Variants in ACSL3 observed in about 807,000 individuals in gnomAD.
ACSL3 encodes the protein acyl-CoA synthetase long chain family member 3.
A neutral mutation model predicts 84.7 loss-of-function variants in ACSL3; 34 were observed. The observed-to-expected ratio is 0.40, with a 90% CI of 0.31 to 0.53. The LOEUF (loss-of-function observed/expected upper bound fraction) is 0.53. Ranked by LOEUF, ACSL3 falls within the 20% of genes least tolerant of loss-of-function variation. The probability of loss-of-function intolerance (pLI) is 0.48; values close to 1 mark genes in which losing one functional copy is unlikely to be tolerated. For missense variants in ACSL3, 680 were observed against 873.1 expected, an observed-to-expected ratio of 0.78 and a Z score of 2.79; for synonymous variants, 315 against 299.4, an observed-to-expected ratio of 1.05 and a Z score of -0.54.
rs138221382 is a variant in ACSL3, at chr2:222,934,623, G to C, written c.1941G>C (p.Glu647Asp). 88 of 1,609,228 alleles carry C rather than the reference G, an allele frequency of 5.5e-5. 1 individual carries two copies. The African/African-American group carries it at 1.1e-3, about 20-fold the overall frequency. Reference protein sequence around the residue: ...RKKGLKGTWEELCNSCEMENE... With the variant: ...RKKGLKGTWEDLCNSCEMENE... ...AAGGACTTAAAGGGACTTGGGAGGAGCTGTGTAACAGTTGTGAAATGGAAA... is the reference window on the plus strand; with the variant it reads ...AAGGACTTAAAGGGACTTGGGAGGACCTGTGTAACAGTTGTGAAATGGAAA... The change falls in exon 16 of 17, where the codon GAG becomes GAC. Residue 647 changes from glutamate to aspartate, a missense_variant. Physicochemically the swap from Glu to Asp is conservative, Grantham distance 45. Coordinates refer to ENST00000357430, the MANE Select transcript of ACSL3 (RefSeq NM_004457.5).
chr2:222,911,708 A>C (rs1227440748), intron 4 of ACSL3, among the ~76,000 whole-genome samples: 1 of 152,250 alleles, frequency 6.6e-6, no homozygotes, highest in Non-Finnish European at 1.5e-5. Context: ...GGTGAATATG[A>C]AATTTCTTCC....
At chr2:222,914,688 G>C (rs1459265853) in intron 4 of ACSL3, among the ~76,000 whole-genome samples, 5 of 152,188 alleles carry the variant, frequency 3.3e-5, no homozygotes, top group Non-Finnish European at 5.9e-5. Context: ...AAGGTTGGCT[G>C]TTCTGCAGCA....
intron 1 of ACSL3, among the ~76,000 whole-genome samples, chr2:222,880,833 AAAAAAAAAAAAAC>A (rs1239802801): frequency 8.1e-4 from 121 of 148,694 alleles, no homozygotes; most frequent in African/African-American, 2.8e-3. Context: ...CTGTCTCCCA[AAAAAAAAAAAAAC>A]AAAAAAAAAC....
chr2:222,862,921 C>G lies in ACSL3; in HGVS notation c.-207+1663C>G, dbSNP rs1377064363. On this transcript the variant is annotated intron_variant, in intron 1 of 16. Coordinates refer to ENST00000357430, the MANE Select transcript of ACSL3 (RefSeq NM_004457.5). Reference sequence around the variant, plus strand: ...AAGAATGGGAGAAATGAAGAACGCACAAATTATAAGGGGAAAATCATCCTC... The same window carrying G: ...AAGAATGGGAGAAATGAAGAACGCAGAAATTATAAGGGGAAAATCATCCTC... 3.9e-5 allele frequency among the ~76,000 whole-genome samples: 6 copies of G among 152,130 alleles called. No individual in the cohort carries two copies. The South Asian group carries it at 1.2e-3, about 31-fold the overall frequency.
chr2:222,878,688 C>G (rs1425588055), intron 1 of ACSL3, among the ~76,000 whole-genome samples: 1 of 152,208 alleles, frequency 6.6e-6, no homozygotes, highest in African/African-American at 2.4e-5. Flanking sequence ...TAGTGAATCT[C>G]TCTTCTGGTC....
chr2:222,932,126 C>T (rs1185296991), intron 14 of ACSL3, among the ~76,000 whole-genome samples: 1 of 152,202 alleles, frequency 6.6e-6, no homozygotes, highest in Admixed American at 6.5e-5. Context: ...AGTCTTAACA[C>T]TTAGCGCTAC....
intron 1 of ACSL3, among the ~76,000 whole-genome samples, chr2:222,870,112 T>C (rs1695259643): frequency 6.6e-6 from 1 of 151,884 alleles, no homozygotes; most frequent in African/African-American, 2.4e-5. Context: ...GGTTTTTTTT[T>C]TTTTTTGGTC....
intron 15 of ACSL3, 102 bp from the exon 16 acceptor site, chr2:222,934,427 TA>T: frequency 8.2e-5 from 79 of 959,792 alleles, no homozygotes; most frequent in Non-Finnish European, 9.8e-5. Context: ...ACATGCATTT[TA>T]AAAAAAATGA....
intron 1 of ACSL3, among the ~76,000 whole-genome samples, chr2:222,875,664 C>T (rs193067883): frequency 2.0e-5 from 3 of 152,198 alleles, no homozygotes; most frequent in Admixed American, 6.5e-5. Flanking sequence ...GACGTTATAG[C>T]GCAGAAATGA....
chr2:222,873,006 G>A (rs1031451726), intron 1 of ACSL3, among the ~76,000 whole-genome samples: 1 of 152,190 alleles, frequency 6.6e-6, no homozygotes, highest in African/African-American at 2.4e-5. Context: ...AATCCATTGA[G>A]AGTAGACTGG....
chr2:222,861,478 C>G (rs1473963073), intron 1 of ACSL3: 1 of 152,172 alleles, frequency 6.6e-6, no homozygotes, highest in Non-Finnish European at 1.5e-5. Context: ...AAGCGGCTGA[C>G]GTGGGGCCTC....
Position 222,889,293 on chromosome 2 carries a change from T to TCACA in ACSL3, c.-148+1405_-148+1406insCACA, listed in dbSNP as rs1436561990. ...GCCGTCAGAAACTGATGTGGGAGGG[T>TCACA]GGTGCACAGGAAGAAGTACTATGGT... is the stretch of plus-strand genomic sequence containing the variant. On this transcript the variant is annotated intron_variant, in intron 2 of 16. Coordinates refer to ENST00000357430, the MANE Select transcript of ACSL3 (RefSeq NM_004457.5). Among the ~76,000 whole-genome samples, 10 of 151,974 alleles carry TCACA rather than the reference T, an allele frequency of 6.6e-5. No individual in the cohort carries two copies. The South Asian group carries it at 8.3e-4, about 13-fold the overall frequency.
rs569321479 is a variant in ACSL3 at position 222,909,219 on chromosome 2, C to T, written c.378+69C>T. The T allele has an allele frequency of 3.3e-5, 47 of 1,445,810 alleles. No individual in the cohort carries two copies. The African/African-American group carries it at 6.0e-4, about 19-fold the overall frequency. 89.6% of individuals were successfully genotyped at this position (1,445,810 alleles called of 1,614,324 possible). ...ATCCTGTTAGAAATGAAGTAAAGGGCAAGCACAGCCTGCCTCCATTAGAAT... is the reference window on the plus strand; with the variant it reads ...ATCCTGTTAGAAATGAAGTAAAGGGTAAGCACAGCCTGCCTCCATTAGAAT... On this transcript the variant is annotated intron_variant, in intron 4 of 16. Transcript: ENST00000357430.
chr2:222,876,397 C>T (rs1456368237), intron 1 of ACSL3, among the ~76,000 whole-genome samples: 2 of 152,186 alleles, frequency 1.3e-5, no homozygotes, highest in Non-Finnish European at 2.9e-5. Context: ...TCATGGCTCA[C>T]TGCAGCCTCA....
At chr2:222,880,833 A>C (rs1695574295) in intron 1 of ACSL3, among the ~76,000 whole-genome samples, 1 of 148,610 alleles carries the variant, frequency 6.7e-6, no homozygotes, top group Non-Finnish European at 1.5e-5. Context: ...CTGTCTCCCA[A>C]AAAAAAAAAA....
At chr2:222,883,735 A>G (rs1036265999) in intron 1 of ACSL3, among the ~76,000 whole-genome samples, 1 of 151,992 alleles carries the variant, frequency 6.6e-6, no homozygotes, top group Admixed American at 6.6e-5. Context: ...TTGTAATGGA[A>G]CTTGAATCTC....
chr2:222,918,839 A>C (rs1221096620), intron 6 of ACSL3, among the ~76,000 whole-genome samples: 1 of 151,874 alleles, frequency 6.6e-6, no homozygotes, highest in East Asian at 1.9e-4. Flanking sequence ...GTTTTACCAA[A>C]GGCCAAGGGT....
chr2:222,922,830 A>T lies in ACSL3; in HGVS notation c.1079A>T (p.Gln360Leu). ...GYSSPQTLAD[Q>L]SSKIKKGSKG... Reference sequence around the variant, plus strand: ...TCTTCACCACAGACTTTAGCAGATCAGGTAAGTTCAGTGTCTGTGACTTGA... The same window carrying T: ...TCTTCACCACAGACTTTAGCAGATCTGGTAAGTTCAGTGTCTGTGACTTGA... Residue 360 changes from glutamine to leucine, a missense_variant and splice_region_variant, in exon 9 of 17, where the codon CAG becomes CTG. Gln to Leu is a moderately radical substitution (Grantham distance 113). Around this residue, in one of 2 missense-constraint regions of ACSL3, gnomAD observed 347 missense variants for 525.7 expected, o/e 0.66. Transcript: ENST00000357430. The T allele has an allele frequency of 6.2e-7, 1 of 1,613,436 alleles. No homozygotes were observed.
intron 4 of ACSL3, among the ~76,000 whole-genome samples, chr2:222,909,896 A>G (rs1337930583): frequency 6.8e-6 from 1 of 147,996 alleles, no homozygotes; most frequent in East Asian, 2.1e-4. Context: ...CACTTTACAG[A>G]TGACAGCACT....
Sources: gnomAD v4.1 joint callset for allele counts (sites outside exome capture counted in the v4.1 genomes callset) on GRCh38, gnomAD v4.1.1 for gene constraint, gnomAD v4.1.1 regional missense constraint, MANE v1.5 for transcripts, NCBI Gene and HGNC (gene_info 2026-07-23, HGNC 2026-07-21) for gene names.